Variants in OTUD5 observed in about 807,000 individuals in gnomAD.
OTUD5 encodes the protein OTU domain-containing protein 5.
Under a neutral mutation model 36.3 loss-of-function variants are expected in OTUD5, and 2 were observed. That is an observed-to-expected ratio of 0.06 (90% CI 0.02 to 0.17). OTUD5 has a LOEUF of 0.17. OTUD5 is among the 10% of genes least tolerant of loss of function. The pLI is 1.00. For missense variants in OTUD5, 233 were observed against 512.3 expected, an observed-to-expected ratio of 0.45 and a Z score of 5.26; for synonymous variants, 234 against 214.9, an observed-to-expected ratio of 1.09 and a Z score of -0.78.
intron 2 of OTUD5, among the ~76,000 whole-genome samples, chrX:48,938,618 C>T (rs1436336610): frequency 5.5e-5 from 6 of 109,673 alleles, no homozygotes; most frequent in African/African-American, 6.7e-5. Flanking sequence ...CGCTTGAACC[C>T]GGGAGGTGGA....
intron 1 of OTUD5, among the ~76,000 whole-genome samples, chrX:48,947,891 G>C (rs2064060481): frequency 9.0e-6 from 1 of 111,663 alleles, no homozygotes; most frequent in Non-Finnish European, 1.9e-5. Flanking sequence ...ATTCAGTAGA[G>C]CTAAAGTTCT....
In OTUD5 at chrX:48,922,372, GAT is replaced by G; in HGVS notation, c.*800_*801del. ...TCCCCAAAGATGACCCCCACCCCAAGATTCCAAAGAAGCTAGTGGTGGTGGAA... is the reference window on the plus strand; with the variant it reads ...TCCCCAAAGATGACCCCCACCCCAAGTCCAAAGAAGCTAGTGGTGGTGGAA... On this transcript the variant is annotated 3_prime_UTR_variant, in exon 9 of 9. Coordinates refer to ENST00000376488, the MANE Select transcript of OTUD5 (RefSeq NM_001136157.2). 4.9e-6 allele frequency: 1 copy of G among 205,250 alleles called. No individual in the cohort carries two copies. Among genetic ancestry groups the G allele is most frequent in the Non-Finnish European group, 7.3e-6 (1 of 137,109 alleles). 16.9% of individuals were successfully genotyped at this position (205,250 alleles called of 1,213,427 possible).
At chrX:48,953,963 G>A (rs782284679) in intron 1 of OTUD5, among the ~76,000 whole-genome samples, 3 of 110,765 alleles carry the variant, frequency 2.7e-5, no homozygotes, top group African/African-American at 9.9e-5. Flanking sequence ...TGGGGTGGCA[G>A]GAGGAATCTT....
chrX:48,953,922 A>G (rs1254145193), intron 1 of OTUD5, among the ~76,000 whole-genome samples: 1 of 110,429 alleles, frequency 9.1e-6, no homozygotes, highest in East Asian at 2.8e-4. Flanking sequence ...CCAGGCTACA[A>G]CCACCCCTAG....
In OTUD5 at chrX:48,957,244, G is replaced by A. The variant is rs1428770545; in HGVS notation, c.327C>T (p.Pro109=). The change falls in exon 1 of 9, where the codon CCC becomes CCT. Residue 109 remains proline (P), a synonymous_variant. Transcript: ENST00000376488. ...SPPPCGGPGG[P]GGGPGDALGA... ...CCAGCGCGTCGCCGGGACCGCCGCCGGGACCACCTGGGCCCCCGCAAGGAG... is the reference window on the plus strand; with the variant it reads ...CCAGCGCGTCGCCGGGACCGCCGCCAGGACCACCTGGGCCCCCGCAAGGAG... 9.1e-7 allele frequency: 1 copy of A among 1,094,475 alleles called. No homozygotes were observed. The highest frequency in any genetic ancestry group is 2.2e-5 in the South Asian group (1 of 45,095). 90.2% of individuals were successfully genotyped at this position (1,094,475 alleles called of 1,213,427 possible).
At chrX:48,941,140 G>C (rs1251163336) in intron 2 of OTUD5, among the ~76,000 whole-genome samples, 1 of 111,261 alleles carries the variant, frequency 9.0e-6, no homozygotes, top group Non-Finnish European at 1.9e-5. Context: ...ATCATAAAAA[G>C]AATGTGTCCT....
In OTUD5 at chrX:48,934,595, G is replaced by A; in HGVS notation, c.928C>T (p.His310Tyr). Residue 310 changes from histidine to tyrosine, a missense_variant, in exon 5 of 9, where the codon CAT becomes TAT. By Grantham distance (83) the His-to-Tyr change is moderately conservative. Coordinates refer to ENST00000376488, the MANE Select transcript of OTUD5 (RefSeq NM_001136157.2). ...TCGTCCTCGTTTTGATGTATCCCAT[G>A]GAATGTGTTGATGGGTTCTGCAGAG... ...QYSTEPINTF[H>Y]GIHQNEDEPI... 8.3e-7 allele frequency: 1 copy of A among 1,211,046 alleles called. No homozygotes were observed. The highest frequency in any genetic ancestry group is 1.1e-6 in the Non-Finnish European group (1 of 894,970).
intron 1 of OTUD5, among the ~76,000 whole-genome samples, chrX:48,950,907 C>T (rs981130378): frequency 9.0e-6 from 1 of 110,677 alleles, no homozygotes; most frequent in African/African-American, 3.3e-5. Flanking sequence ...ACATTTGTCA[C>T]AACAGCCACA....
chrX:48,923,364 C>T (rs939733197), intron 8 of OTUD5, 69 bp from the exon 9 acceptor site: 10 of 881,081 alleles, frequency 1.1e-5, no homozygotes, highest in African/African-American at 7.9e-5. Context: ...CACCCTGTGC[C>T]GACATCTGGG....
At chrX:48,951,800 T>C (rs2064152012) in intron 1 of OTUD5, among the ~76,000 whole-genome samples, 1 of 111,986 alleles carries the variant, frequency 8.9e-6, no homozygotes. Context: ...ACACCTGTAA[T>C]CCCAGCACTT....
At chrX:48,951,348 C>T (rs2064139233) in intron 1 of OTUD5, among the ~76,000 whole-genome samples, 1 of 112,319 alleles carries the variant, frequency 8.9e-6, no homozygotes, top group African/African-American at 3.2e-5. Flanking sequence ...GGCGTGGTGG[C>T]TCACGCCTGT....
intron 5 of OTUD5, among the ~76,000 whole-genome samples, chrX:48,932,009 C>T (rs1602383230): frequency 2.9e-5 from 3 of 103,121 alleles, no homozygotes; most frequent in Admixed American, 1.1e-4. Flanking sequence ...ATTAGCTGGG[C>T]GTGGTGGCGG....
chrX:48,923,093 G>A lies in OTUD5; in HGVS notation c.*81C>T. ...AGAAAGAACAGAAGGAGGCAAGAGG[G>A]AAGAAGCCAAAGAAGGTGAGGTGGC... On this transcript the variant is annotated 3_prime_UTR_variant, in exon 9 of 9. Transcript: ENST00000376488. 1 of 1,202,871 alleles carries A rather than the reference G, an allele frequency of 8.3e-7. No homozygotes were observed. Among genetic ancestry groups the A allele is most frequent in the Non-Finnish European group, 1.1e-6 (1 of 890,516 alleles).
chrX:48,938,723 G>A (rs1313340239), intron 2 of OTUD5, among the ~76,000 whole-genome samples: 1 of 110,377 alleles, frequency 9.1e-6, no homozygotes, highest in East Asian at 2.8e-4. Context: ...TCGTTTTTCT[G>A]ACTTTCCTAG....
chrX:48,935,546 TC>T (rs1557049765), intron 2 of OTUD5, among the ~76,000 whole-genome samples: 1 of 110,355 alleles, frequency 9.1e-6, no homozygotes, highest in Non-Finnish European at 1.9e-5. Flanking sequence ...AAAAATGGGC[TC>T]CAAGCCCAGT....
At chrX:48,954,462 G>C (rs781857528) in intron 1 of OTUD5, among the ~76,000 whole-genome samples, 1 of 111,561 alleles carries the variant, frequency 9.0e-6, no homozygotes, top group Admixed American at 9.5e-5. Flanking sequence ...CCTAGGACCA[G>C]TGATGTATGG....
rs184415796 is a variant in OTUD5 at position 48,947,997 on chromosome X, C to T, written c.595-3714G>A. On this transcript the variant is annotated intron_variant, in intron 1 of 8. Transcript: ENST00000376488. Reference sequence around the variant, plus strand: ...CCATGCCAGATGCAAAGGGTGACCTCGTTTAATTTTCCTGACCACAGCCCA... The same window carrying T: ...CCATGCCAGATGCAAAGGGTGACCTTGTTTAATTTTCCTGACCACAGCCCA... 1.3e-3 allele frequency among the ~76,000 whole-genome samples: 149 copies of T among 112,306 alleles called. 1 individual carries two copies. The Admixed American group carries it at 0.013, about 10-fold the overall frequency.
intron 5 of OTUD5, among the ~76,000 whole-genome samples, chrX:48,928,534 G>A (rs1426685293): frequency 2.7e-5 from 3 of 111,434 alleles, no homozygotes; most frequent in African/African-American, 9.8e-5. Flanking sequence ...TTTCAGGGGG[G>A]AAAAAAGCAA....
chrX:48,952,237 T>G (rs1051022503), intron 1 of OTUD5, among the ~76,000 whole-genome samples: 5 of 112,051 alleles, frequency 4.5e-5, no homozygotes, highest in African/African-American at 1.6e-4. Context: ...TCCATTTACA[T>G]GAAACATCCA....
Sources: gnomAD v4.1 joint callset for allele counts (sites outside exome capture counted in the v4.1 genomes callset) on GRCh38, gnomAD v4.1.1 for gene constraint, MANE v1.5 for transcripts, NCBI Gene and HGNC (gene_info 2026-07-23, HGNC 2026-07-21) for gene names.